Variants in ANO4 observed in about 807,000 individuals in gnomAD.
The protein encoded by ANO4 is anoctamin-4.
ANO4 carries 69 observed loss-of-function variants against 141.9 expected under a neutral mutation model. The observed-to-expected ratio is 0.49, with a 90% CI of 0.40 to 0.59. The LOEUF (loss-of-function observed/expected upper bound fraction) is 0.59, where lower values mean the gene tolerates loss of function less well. Ranked by LOEUF, ANO4 falls within the 20% of genes least tolerant of loss-of-function variation. ANO4 has a pLI of 0.00. For missense variants in ANO4, 894 were observed against 1,162.2 expected, an observed-to-expected ratio of 0.77 and a Z score of 3.36; for synonymous variants, 350 against 394.3, an observed-to-expected ratio of 0.89 and a Z score of 1.33.
chr12:100,923,201 T>C (rs375273173), intron 3 of ANO4, among the ~76,000 whole-genome samples: 2 of 152,110 alleles, frequency 1.3e-5, no homozygotes, highest in East Asian at 3.9e-4. Flanking sequence ...GTTTGATACA[T>C]AGGTATACAT....
At chr12:100,948,349 A>G (rs1056223516) in intron 5 of ANO4, among the ~76,000 whole-genome samples, 48 of 152,184 alleles carry the variant, frequency 3.2e-4, no homozygotes, top group African/African-American at 1.1e-3. Flanking sequence ...CTGAGTGGTC[A>G]TGGGCAATTT....
chr12:101,044,594 A>G (rs1196305282), intron 13 of ANO4, among the ~76,000 whole-genome samples: 2 of 152,222 alleles, frequency 1.3e-5, no homozygotes, highest in African/African-American at 4.8e-5. Flanking sequence ...GATCTATCTA[A>G]TTACTCTCTT....
At chr12:100,856,805 C>T (rs2038197914) in intron 1 of ANO4, among the ~76,000 whole-genome samples, 1 of 151,972 alleles carries the variant, frequency 6.6e-6, no homozygotes. Flanking sequence ...CAGAGAGTGG[C>T]AGGATATAAA....
chr12:100,878,124 T>G (rs2039404936), intron 1 of ANO4, among the ~76,000 whole-genome samples: 1 of 152,144 alleles, frequency 6.6e-6, no homozygotes, highest in South Asian at 2.1e-4. Context: ...ATTGAAGATA[T>G]GCTCATGGGA....
chr12:100,836,683 A>G (rs2036941302), intron 1 of ANO4, among the ~76,000 whole-genome samples: 1 of 152,088 alleles, frequency 6.6e-6, no homozygotes, highest in Non-Finnish European at 1.5e-5. Flanking sequence ...AATGCTTCCA[A>G]GGGAGTTTTT....
chr12:101,114,670 T>C (rs967832431), intron 24 of ANO4, among the ~76,000 whole-genome samples: 7 of 152,136 alleles, frequency 4.6e-5, no homozygotes, highest in Admixed American at 3.3e-4. Flanking sequence ...CCTTTTTTTT[T>C]CACCAGTTCC....
At chr12:100,782,014 A>G (rs1362421001) in intron 3 of ANO4, among the ~76,000 whole-genome samples, 2 of 152,216 alleles carry the variant, frequency 1.3e-5, no homozygotes, top group Admixed American at 6.5e-5. Flanking sequence ...TCAGCTTTTC[A>G]TCACTTCCTT....
At chr12:100,848,042 T>C (rs964938483) in intron 1 of ANO4, among the ~76,000 whole-genome samples, 7 of 152,266 alleles carry the variant, frequency 4.6e-5, no homozygotes, top group Admixed American at 1.3e-4. Context: ...TAAATTGTAC[T>C]GTCTGCTTTG....
intron 3 of ANO4, among the ~76,000 whole-genome samples, chr12:100,938,065 C>T (rs555999192): frequency 9.2e-5 from 14 of 152,300 alleles, no homozygotes; most frequent in Non-Finnish European, 1.5e-4. Context: ...TTCACCCTCT[C>T]GTAGTTAGCA....
chr12:100,763,733 G>A (rs2032969586), intron 3 of ANO4, among the ~76,000 whole-genome samples: 2 of 152,278 alleles, frequency 1.3e-5, no homozygotes, highest in South Asian at 2.1e-4. Context: ...AATTGACCTT[G>A]AATTTTGCCA....
intron 1 of ANO4, among the ~76,000 whole-genome samples, chr12:100,824,318 G>T (rs1004934724): frequency 1.3e-5 from 2 of 151,894 alleles, no homozygotes; most frequent in Non-Finnish European, 2.9e-5. Flanking sequence ...AATGTTTGTT[G>T]AATGAGTAAA....
At chr12:101,116,632 GAGA>G (rs749197162) in intron 24 of ANO4, 44 bp from the exon 25 acceptor site, 2 of 1,613,820 alleles carry the variant, frequency 1.2e-6, no homozygotes, top group East Asian at 2.2e-5. Context: ...ACTGGATACA[GAGA>G]AGGTGATGAG....
chr12:100,821,768 T>C (rs35609373), intron 1 of ANO4, among the ~76,000 whole-genome samples: 9,028 of 152,126 alleles, frequency 0.059, 389 homozygotes, highest in South Asian at 0.082. Context: ...CATAAGGTTA[T>C]TGCCAATGTT....
chr12:100,974,246 T>C (rs10778092), intron 6 of ANO4, among the ~76,000 whole-genome samples: 71,454 of 151,834 alleles, frequency 0.47, 17,579 homozygotes, highest in East Asian at 0.64. Context: ...ATTTAATTCA[T>C]CTAAAGCCAG....
intron 8 of ANO4, among the ~76,000 whole-genome samples, chr12:101,015,732 T>TAGCA (rs1304752890): frequency 6.6e-6 from 1 of 152,168 alleles, no homozygotes; most frequent in East Asian, 1.9e-4. Flanking sequence ...GCTCTCCCCC[T>TAGCA]AGCAGTGCAT....
chr12:101,041,444 G>A (rs1315411692), intron 11 of ANO4, among the ~76,000 whole-genome samples: 1 of 152,242 alleles, frequency 6.6e-6, no homozygotes, highest in Non-Finnish European at 1.5e-5. Context: ...TCGGTGCCAT[G>A]TTACAGGATT....
intron 1 of ANO4, among the ~76,000 whole-genome samples, chr12:100,895,108 A>G (rs1038959628): frequency 1.6e-4 from 24 of 151,690 alleles, no homozygotes; most frequent in African/African-American, 5.3e-4. Context: ...TCCACTTTGC[A>G]GTTAAAGAGG....
rs376279921 is a variant in ANO4 at position 101,124,897 on chromosome 12, G to A, written c.2677-1982G>A. On this transcript the variant is annotated intron_variant, in intron 26 of 27. Coordinates refer to ENST00000392977, the MANE Select transcript of ANO4 (RefSeq NM_001286615.2). Reference sequence around the variant, plus strand: ...AGCCTTTTAGTATAATTTGAAGTTGGGTAGTGTGATGCTTCCAGCTTTGTT... The same window carrying A: ...AGCCTTTTAGTATAATTTGAAGTTGAGTAGTGTGATGCTTCCAGCTTTGTT... Among the ~76,000 whole-genome samples the A allele has an allele frequency of 2.1e-4, 32 of 152,250 alleles. No individual in the cohort carries two copies. The East Asian group carries it at 6.0e-3, about 28-fold the overall frequency.
At chr12:100,891,538 C>T (rs1317107790) in intron 1 of ANO4, among the ~76,000 whole-genome samples, 4 of 151,876 alleles carry the variant, frequency 2.6e-5, no homozygotes, top group South Asian at 2.1e-4. Flanking sequence ...AGTGGTATCT[C>T]GTTGTTTTAA....
Sources: allele counts gnomAD v4.1 joint callset (sites outside exome capture counted in the v4.1 genomes callset), GRCh38; gene constraint gnomAD v4.1.1; transcripts MANE v1.5; gene names NCBI Gene and HGNC (gene_info 2026-07-23, HGNC 2026-07-21).